Variants in KAZN observed in about 807,000 individuals in gnomAD.
The protein encoded by KAZN is kazrin, periplakin interacting protein.
Under a neutral mutation model 87.4 loss-of-function variants are expected in KAZN, and 40 were observed. The ratio of observed to expected loss-of-function variants is 0.46; its 90% CI spans 0.36 to 0.60. The LOEUF is 0.60. Among genes scored for constraint, KAZN ranks in the 20% least tolerant of loss-of-function variants. The probability of loss-of-function intolerance (pLI) is 0.00; values close to 1 mark genes in which losing one functional copy is unlikely to be tolerated. For missense variants in KAZN, 898 were observed against 1,073.9 expected (o/e 0.84, Z 2.29); for synonymous variants, 466 against 458.3 (o/e 1.02, Z -0.22).
At chr1:14,736,030 C>T (rs1355324768) in intron 1 of KAZN, among the ~76,000 whole-genome samples, 3 of 152,064 alleles carry the variant, frequency 2.0e-5, no homozygotes, top group Admixed American at 6.6e-5. Flanking sequence ...TAAGACAGGC[C>T]GTCGGTCCAC....
chr1:14,792,917 G>C (rs2744865), intron 1 of KAZN, among the ~76,000 whole-genome samples: 5 of 150,338 alleles, frequency 3.3e-5, no homozygotes, highest in African/African-American at 1.2e-4. Flanking sequence ...TGGAGGTTGC[G>C]GTGAGCCAAG....
intron 2 of KAZN, among the ~76,000 whole-genome samples, chr1:15,022,512 T>A (rs1670781088): frequency 6.6e-6 from 1 of 152,342 alleles, no homozygotes; most frequent in South Asian, 2.1e-4. Context: ...GGCCTCTGTC[T>A]GTAGAGCCTG....
chr1:14,211,761 T>C (rs1646857387), intron 2 of KAZN, among the ~76,000 whole-genome samples: 1 of 152,124 alleles, frequency 6.6e-6, no homozygotes. Context: ...AATCGGGGCT[T>C]CTCTCCTACA....
intron 1 of KAZN, among the ~76,000 whole-genome samples, chr1:14,892,155 G>T (rs967628801): frequency 1.3e-5 from 2 of 152,026 alleles, no homozygotes; most frequent in Non-Finnish European, 2.9e-5. Context: ...CCCATTCCTG[G>T]CCCAAATGGA....
chr1:15,092,821 T>C (rs1304074810), intron 8 of KAZN, among the ~76,000 whole-genome samples: 1 of 152,106 alleles, frequency 6.6e-6, no homozygotes, highest in Non-Finnish European at 1.5e-5. Flanking sequence ...TCTTTTCCCC[T>C]CTCAATTGAG....
chr1:14,454,698 TC>T (rs1667470731), intron 2 of KAZN, among the ~76,000 whole-genome samples: 1 of 151,972 alleles, frequency 6.6e-6, no homozygotes, highest in Non-Finnish European at 1.5e-5. Flanking sequence ...GCAGTGGTAC[TC>T]ATGAATGTTC....
intron 1 of KAZN, among the ~76,000 whole-genome samples, chr1:14,095,595 C>A (rs1644109232): frequency 1.3e-5 from 2 of 152,128 alleles, no homozygotes; most frequent in Non-Finnish European, 2.9e-5. Flanking sequence ...GGGCTGGAAT[C>A]ATCTGGAGGC....
chr1:13,982,095 G>A (rs1252785153), intron 1 of KAZN, among the ~76,000 whole-genome samples: 4 of 152,168 alleles, frequency 2.6e-5, no homozygotes, highest in Non-Finnish European at 5.9e-5. Context: ...TTGTTATTGG[G>A]CAAAGGTCCA....
At chr1:14,433,796 G>T (rs551227367) in intron 2 of KAZN, among the ~76,000 whole-genome samples, 13 of 152,310 alleles carry the variant, frequency 8.5e-5, no homozygotes, top group Admixed American at 3.3e-4. Flanking sequence ...GGAGGCGGAG[G>T]TTGCAGTGAT....
chr1:15,092,335 A>T (rs1281626838), intron 8 of KAZN, among the ~76,000 whole-genome samples: 3 of 152,112 alleles, frequency 2.0e-5, no homozygotes, highest in Non-Finnish European at 4.4e-5. Flanking sequence ...TCGGCCTCCC[A>T]AAGTGCTGGG....
intron 1 of KAZN, among the ~76,000 whole-genome samples, chr1:14,702,655 T>C (rs1156248595): frequency 1.3e-5 from 2 of 152,136 alleles, no homozygotes; most frequent in Non-Finnish European, 2.9e-5. Context: ...TTAGAGTTGG[T>C]GATACACCGA....
At chr1:15,033,077 C>T (rs755867579) in intron 2 of KAZN, among the ~76,000 whole-genome samples, 1 of 152,054 alleles carries the variant, frequency 6.6e-6, no homozygotes, top group Non-Finnish European at 1.5e-5. Context: ...ATTCATGTGG[C>T]ATTTATATTT....
chr1:14,196,080 C>T (rs1486705849), intron 2 of KAZN, among the ~76,000 whole-genome samples: 2 of 152,076 alleles, frequency 1.3e-5, no homozygotes, highest in Admixed American at 6.6e-5. Flanking sequence ...AGACAAGGAA[C>T]AGCAGGTGTC....
intron 1 of KAZN, among the ~76,000 whole-genome samples, chr1:14,622,487 G>A (rs1678774052): frequency 6.6e-6 from 1 of 151,512 alleles, no homozygotes; most frequent in African/African-American, 2.4e-5. Context: ...TCAGGAGATC[G>A]ACACCATCCT....
intron 2 of KAZN, among the ~76,000 whole-genome samples, chr1:14,262,942 T>G (rs1248988348): frequency 6.6e-6 from 1 of 152,208 alleles, no homozygotes; most frequent in Non-Finnish European, 1.5e-5. Flanking sequence ...TATAACACTC[T>G]GTAACTAATA....
At chr1:15,074,845 T>C (rs983564757) in intron 8 of KAZN, among the ~76,000 whole-genome samples, 1 of 152,186 alleles carries the variant, frequency 6.6e-6, no homozygotes, top group Admixed American at 6.5e-5. Context: ...GAAAAGATAC[T>C]AGGTCAGAGT....
chr1:14,921,748 G>A lies in KAZN; in HGVS notation c.227-38936G>A, dbSNP rs115056423. Among the ~76,000 whole-genome samples the A allele has an allele frequency of 6.1e-3, 922 of 152,348 alleles. 2 individuals carry two copies. Among genetic ancestry groups the A allele is most frequent in the Non-Finnish European group, 0.01 (692 of 68,032 alleles). On this transcript the variant is annotated intron_variant, in intron 1 of 14. Transcript: ENST00000376030. ...GTTTTTTGAGACCAGGTCTCACTCT[G>A]TCGCCTAGCCTGGAGTGTGCTGGCA...
chr1:14,374,213 CTGTCCTTGTAGG>C (rs1660721195), intron 2 of KAZN, among the ~76,000 whole-genome samples: 1 of 152,220 alleles, frequency 6.6e-6, no homozygotes, highest in Non-Finnish European at 1.5e-5. Context: ...TCCCAGCTGC[CTGTCCTTGTAGG>C]TGTCCTGACC....
intron 1 of KAZN, chr1:14,945,825 G>T: frequency 1.0e-6 from 1 of 978,802 alleles, no homozygotes; most frequent in Non-Finnish European, 1.2e-6. Context: ...CAAAGGGCAA[G>T]TGTCCGCTCC....
Sources: allele counts gnomAD v4.1 joint callset (sites outside exome capture counted in the v4.1 genomes callset), GRCh38; gene constraint gnomAD v4.1.1; transcripts MANE v1.5; gene names NCBI Gene and HGNC (gene_info 2026-07-23, HGNC 2026-07-21).